Variants in CD8B2 observed in about 807,000 individuals in gnomAD.
CD8B2 encodes the protein T-cell surface glycoprotein CD8 beta-2 chain.
CD8B2 carries 11 observed loss-of-function variants against 23.7 expected under a neutral mutation model. That is an observed-to-expected ratio of 0.46 (90% CI 0.29 to 0.77). The LOEUF (loss-of-function observed/expected upper bound fraction) is 0.77, where lower values mean the gene tolerates loss of function less well. Among genes scored for constraint, CD8B2 ranks in the 30% least tolerant of loss-of-function variants. The pLI is 0.09. For missense variants in CD8B2, 197 were observed against 270.5 expected, an observed-to-expected ratio of 0.73 and a Z score of 1.91; for synonymous variants, 90 against 109.3, an observed-to-expected ratio of 0.82 and a Z score of 1.10.
At position 106,519,960 on chromosome 2, in the gene CD8B2, A is replaced by G. The variant is rs142362418; in HGVS notation, c.620+15635A>G. On this transcript the variant is annotated intron_variant, in intron 5 of 5. Coordinates refer to the CD8B2 transcript ENST00000416057. ...TCCGCTTGATAGCAGGCTTATCAGC[A>G]AGTTAGCCAGCGGGGACATCCATCA... Among the ~76,000 whole-genome samples the G allele has an allele frequency of 5.3e-5, 8 of 152,254 alleles. No homozygotes were observed. The East Asian group carries it at 1.5e-3, about 29-fold the overall frequency.
chr2:106,531,498 A>T (rs1422407757), intron 5 of CD8B2, among the ~76,000 whole-genome samples: 1 of 152,004 alleles, frequency 6.6e-6, no homozygotes, highest in Non-Finnish European at 1.5e-5. Context: ...GGAACCTACT[A>T]TTTCTTGCTC....
intron 5 of CD8B2, chr2:106,521,805 G>C (rs1290508606): frequency 6.6e-6 from 1 of 152,202 alleles, no homozygotes; most frequent in Non-Finnish European, 1.5e-5. Context: ...TCTAGTCCTA[G>C]TTTTCCCTAT....
intron 5 of CD8B2, among the ~76,000 whole-genome samples, chr2:106,526,681 G>A (rs921428448): frequency 3.9e-5 from 6 of 152,014 alleles, no homozygotes; most frequent in East Asian, 1.9e-4. Flanking sequence ...ACAGAGTTTC[G>A]CTCTTGTTGC....
At chr2:106,521,595 C>T (rs949458440) in intron 5 of CD8B2, 8 of 152,214 alleles carry the variant, frequency 5.3e-5, no homozygotes, top group Non-Finnish European at 7.3e-5. Flanking sequence ...TGACTGAGAA[C>T]GTGGAGGGAG....
downstream of CD8B2, among the ~76,000 whole-genome samples, chr2:106,513,838 A>G (rs1327691305): frequency 6.6e-6 from 1 of 152,188 alleles, no homozygotes; most frequent in African/African-American, 2.4e-5. Context: ...TAGCTGGGCC[A>G]GGGCAGAAGA....
At chr2:106,494,001 T>C (rs1484828832) in intron 2 of CD8B2, among the ~76,000 whole-genome samples, 1 of 152,168 alleles carries the variant, frequency 6.6e-6, no homozygotes, top group Admixed American at 6.5e-5. Context: ...ATCAATGTCT[T>C]GAAGCAGACA....
At chr2:106,522,830 G>T (rs549336941) in intron 5 of CD8B2, among the ~76,000 whole-genome samples, 1 of 152,218 alleles carries the variant, frequency 6.6e-6, no homozygotes, top group African/African-American at 2.4e-5. Context: ...TCTGAGTGAG[G>T]CAGGCACCTT....
At chr2:106,518,893 A>C (rs1451093784) in intron 5 of CD8B2, among the ~76,000 whole-genome samples, 6 of 151,418 alleles carry the variant, frequency 4.0e-5, no homozygotes, top group Non-Finnish European at 7.4e-5. Flanking sequence ...TCAGCCCTCC[A>C]ACCATCCCCT....
At chr2:106,533,657 T>A (rs1268030530) in intron 5 of CD8B2, among the ~76,000 whole-genome samples, 1 of 152,104 alleles carries the variant, frequency 6.6e-6, no homozygotes, top group Non-Finnish European at 1.5e-5. Context: ...GATGAGCAGA[T>A]AAAATGCTAA....
intron 5 of CD8B2, among the ~76,000 whole-genome samples, chr2:106,523,036 T>C (rs1365140944): frequency 1.3e-5 from 2 of 152,162 alleles, no homozygotes; most frequent in African/African-American, 4.8e-5. Context: ...ATAAGCCACA[T>C]AAATTATGTA....
At chr2:106,497,093 C>T (rs368329096) in intron 3 of CD8B2, among the ~76,000 whole-genome samples, 15 of 152,092 alleles carry the variant, frequency 9.9e-5, no homozygotes, top group Admixed American at 4.6e-4. Flanking sequence ...CTGGGCAACA[C>T]GGTGAAACTC....
chr2:106,521,034 GAGAGAGAGAGAGAGAAAGAGAGAGAC>G (rs1679818558), intron 5 of CD8B2, among the ~76,000 whole-genome samples: 1 of 150,864 alleles, frequency 6.6e-6, no homozygotes, highest in African/African-American at 2.4e-5. Context: ...GAGAGAGAGA[GAGAGAGAGAGAGAGAAAGAGAGAGAC>G]AGAGAGAGAG....
chr2:106,536,598 C>T (rs148530900), intron 5 of CD8B2, among the ~76,000 whole-genome samples: 147 of 152,242 alleles, frequency 9.7e-4, no homozygotes, highest in African/African-American at 3.2e-3. Context: ...CAAGTATATT[C>T]AGCTTTGCTG....
intron 2 of CD8B2, among the ~76,000 whole-genome samples, chr2:106,493,702 C>A (rs938673568): frequency 1.3e-5 from 2 of 152,124 alleles, no homozygotes; most frequent in African/African-American, 4.8e-5. Flanking sequence ...CTAAAGTGTT[C>A]AACTTTTTGT....
chr2:106,523,439 G>A (rs1056558060), intron 5 of CD8B2, among the ~76,000 whole-genome samples: 3 of 152,182 alleles, frequency 2.0e-5, no homozygotes, highest in Non-Finnish European at 4.4e-5. Context: ...TCAAAGGCAG[G>A]CAGAGGAGTG....
chr2:106,507,858 GT>G lies in CD8B2; in HGVS notation c.*919del, dbSNP rs1278746707. The G allele has an allele frequency of 2.0e-5, 3 of 151,788 alleles. No homozygotes were observed. Among genetic ancestry groups the G allele is most frequent in the African/African-American group, 7.3e-5 (3 of 41,126 alleles). 9.4% of individuals were successfully genotyped at this position (151,788 alleles called of 1,614,324 possible). A position where few individuals can be genotyped will look rare whatever the true frequency, so the allele number is the denominator to read the frequency against. On this transcript the variant is annotated 3_prime_UTR_variant, in exon 6 of 6. Coordinates refer to ENST00000643224, the MANE Select transcript of CD8B2 (RefSeq NM_001349727.2). Reference sequence around the variant, plus strand: ...CAGGGCACCCAGAGCCAGGCTGCAGGTGCCTCAGGCCCCTCTCCCAGCCCAC... The same window carrying G: ...CAGGGCACCCAGAGCCAGGCTGCAGGGCCTCAGGCCCCTCTCCCAGCCCAC...
intron 5 of CD8B2, among the ~76,000 whole-genome samples, chr2:106,536,847 T>C (rs909478290): frequency 6.6e-6 from 1 of 152,176 alleles, no homozygotes; most frequent in Non-Finnish European, 1.5e-5. Flanking sequence ...ATGGCGCAAA[T>C]AGTGTTACTG....
intron 3 of CD8B2, among the ~76,000 whole-genome samples, chr2:106,496,997 A>G (rs1679312887): frequency 6.6e-6 from 1 of 152,246 alleles, no homozygotes; most frequent in Non-Finnish European, 1.5e-5. Flanking sequence ...AGTTTTGGCC[A>G]GACGTGGTGG....
At chr2:106,502,177 T>C (rs1679419952) in intron 3 of CD8B2, among the ~76,000 whole-genome samples, 1 of 150,772 alleles carries the variant, frequency 6.6e-6, no homozygotes, top group African/African-American at 2.4e-5. Context: ...ATGCCTGTAA[T>C]CCCAGCTACT....
Sources: allele counts gnomAD v4.1 joint callset (sites outside exome capture counted in the v4.1 genomes callset), GRCh38; gene constraint gnomAD v4.1.1; transcripts MANE v1.5; gene names NCBI Gene and HGNC (gene_info 2026-07-23, HGNC 2026-07-21).